The following FHIT variants were observed in gnomAD, a reference collection of about 807,000 sequenced individuals.
FHIT encodes bis(5'-adenosyl)-triphosphatase.
Under a neutral mutation model 17.9 loss-of-function variants are expected in FHIT, and 19 were observed. The ratio of observed to expected loss-of-function variants is 1.06; its 90% CI spans 0.74 to 1.56. The LOEUF is 1.56. FHIT is among the 40% of genes most tolerant of loss of function. The pLI is 0.00. For synonymous variants in FHIT, 81 were observed against 69.7 expected, an observed-to-expected ratio of 1.16 and a Z score of -0.81; for missense variants, 248 against 189.2, an observed-to-expected ratio of 1.31 and a Z score of -1.82.
intron 5 of FHIT, among the ~76,000 whole-genome samples, chr3:60,430,710 A>T (rs1171880739): frequency 6.6e-6 from 1 of 152,044 alleles, no homozygotes; most frequent in Admixed American, 6.6e-5. Flanking sequence ...GATAACAGTC[A>T]CCAACTTCTT....
chr3:60,358,977 T>A (rs1699786121), intron 5 of FHIT, among the ~76,000 whole-genome samples: 1 of 152,218 alleles, frequency 6.6e-6, no homozygotes, highest in Non-Finnish European at 1.5e-5. Flanking sequence ...TGTTGAGGGC[T>A]TGTAGTCTAC....
chr3:59,997,638 T>C (rs972519441), intron 7 of FHIT, among the ~76,000 whole-genome samples: 1 of 152,180 alleles, frequency 6.6e-6, no homozygotes, highest in African/African-American at 2.4e-5. Context: ...ATGTTGGTTA[T>C]TCTGTTTAAA....
At chr3:60,677,400 A>T (rs1553695647) in intron 4 of FHIT, among the ~76,000 whole-genome samples, 1 of 152,182 alleles carries the variant, frequency 6.6e-6, no homozygotes, top group Non-Finnish European at 1.5e-5. Flanking sequence ...GTGTGAGGAC[A>T]TGTGGTATTT....
At chr3:61,012,724 A>C (rs1336516533) in intron 3 of FHIT, among the ~76,000 whole-genome samples, 1 of 151,462 alleles carries the variant, frequency 6.6e-6, no homozygotes, top group East Asian at 1.9e-4. Context: ...AGAAATACAT[A>C]TTTTTTGTTT....
At chr3:60,708,234 TA>T (rs1395303048) in intron 4 of FHIT, among the ~76,000 whole-genome samples, 2 of 152,186 alleles carry the variant, frequency 1.3e-5, no homozygotes, top group African/African-American at 4.8e-5. Flanking sequence ...TCTGTGGTGG[TA>T]AAACAGACTC....
At chr3:60,205,653 G>C (rs1703136828) in intron 5 of FHIT, among the ~76,000 whole-genome samples, 1 of 152,136 alleles carries the variant, frequency 6.6e-6, no homozygotes, top group African/African-American at 2.4e-5. Flanking sequence ...ACGGGAATGG[G>C]ATAGTACCGA....
chr3:60,642,014 C>T (rs558476716), intron 4 of FHIT, among the ~76,000 whole-genome samples: 9 of 152,064 alleles, frequency 5.9e-5, no homozygotes, highest in East Asian at 3.9e-4. Flanking sequence ...GGGAGTGGGA[C>T]GACTATCATC....
chr3:60,875,542 T>C (rs1295215129), intron 3 of FHIT, among the ~76,000 whole-genome samples: 1 of 152,178 alleles, frequency 6.6e-6, no homozygotes, highest in African/African-American at 2.4e-5. Context: ...GCCTCTCCCA[T>C]TTTTCACATA....
chr3:60,427,547 T>C (rs770017472), intron 5 of FHIT, among the ~76,000 whole-genome samples: 1 of 152,126 alleles, frequency 6.6e-6, no homozygotes, highest in Non-Finnish European at 1.5e-5. Flanking sequence ...TACACAGCAA[T>C]AGCAATCTCC....
intron 1 of FHIT, among the ~76,000 whole-genome samples, chr3:61,203,179 C>CAAAAAAAA (rs397876939): frequency 3.2e-4 from 28 of 86,324 alleles, no homozygotes; most frequent in African/African-American, 5.0e-4. Context: ...GACTCCGTCT[C>CAAAAAAAA]AAAAAAAAAA....
At chr3:60,228,254 A>G (rs1318500776) in intron 5 of FHIT, among the ~76,000 whole-genome samples, 1 of 152,190 alleles carries the variant, frequency 6.6e-6, no homozygotes, top group Non-Finnish European at 1.5e-5. Flanking sequence ...TCCAGAATAG[A>G]CAAATCCACA....
At chr3:60,258,864 T>C (rs1216554081) in intron 5 of FHIT, among the ~76,000 whole-genome samples, 2 of 152,074 alleles carry the variant, frequency 1.3e-5, no homozygotes, top group African/African-American at 4.8e-5. Flanking sequence ...TAAATCTTCT[T>C]TGTGTCCCTG....
chr3:60,892,868 T>C (rs1705591552), intron 3 of FHIT, among the ~76,000 whole-genome samples: 1 of 152,194 alleles, frequency 6.6e-6, no homozygotes, highest in African/African-American at 2.4e-5. Context: ...ACAACTATGT[T>C]AAAATATCCA....
intron 5 of FHIT, among the ~76,000 whole-genome samples, chr3:60,141,566 T>C (rs1417588993): frequency 6.6e-6 from 1 of 152,150 alleles, no homozygotes; most frequent in Non-Finnish European, 1.5e-5. Context: ...ATAGAATTCC[T>C]AAAATCTGTC....
chr3:59,877,343 T>C (rs1703209207), intron 8 of FHIT, among the ~76,000 whole-genome samples: 2 of 152,222 alleles, frequency 1.3e-5, no homozygotes, highest in Admixed American at 1.3e-4. Context: ...CATAAATGAC[T>C]GTGTAGAGTT....
chr3:60,314,123 T>C (rs1362890982), intron 5 of FHIT, among the ~76,000 whole-genome samples: 4 of 152,218 alleles, frequency 2.6e-5, no homozygotes, highest in Non-Finnish European at 5.9e-5. Flanking sequence ...ACATTTTCCC[T>C]TCAATCTCAT....
chr3:60,627,881 C>G (rs782795952), intron 4 of FHIT, among the ~76,000 whole-genome samples: 4 of 152,156 alleles, frequency 2.6e-5, no homozygotes, highest in Non-Finnish European at 5.9e-5. Context: ...CCTGCTTAGT[C>G]AGTCTAGGTA....
chr3:59,874,406 G>A (rs1386767586), intron 8 of FHIT, among the ~76,000 whole-genome samples: 2 of 152,182 alleles, frequency 1.3e-5, no homozygotes, highest in Admixed American at 6.5e-5. Flanking sequence ...AGAATTCCCT[G>A]GAGTGCTTGC....
intron 5 of FHIT, among the ~76,000 whole-genome samples, chr3:60,374,633 T>A (rs553529779): frequency 1.3e-5 from 2 of 150,294 alleles, no homozygotes; most frequent in Admixed American, 1.3e-4. Flanking sequence ...AGGCAAAGCA[T>A]TGACATTTAT....
Sources: gnomAD v4.1 joint callset for allele counts (sites outside exome capture counted in the v4.1 genomes callset) on GRCh38, gnomAD v4.1.1 for gene constraint, MANE v1.5 for transcripts, NCBI Gene and HGNC (gene_info 2026-07-23, HGNC 2026-07-21) for gene names.